Variants in GRM5 observed in about 807,000 individuals in gnomAD.
The protein encoded by GRM5 is glutamate metabotropic receptor 5, also known as metabotropic glutamate receptor 5.
In GRM5, 19 loss-of-function variants were observed where a neutral mutation model predicts 83.1. That is an observed-to-expected ratio of 0.23 (90% CI 0.16 to 0.34). The LOEUF (loss-of-function observed/expected upper bound fraction) is 0.34, where lower values mean the gene tolerates loss of function less well. Among genes scored for constraint, GRM5 ranks in the 10% least tolerant of loss-of-function variants. The pLI, the probability that GRM5 is intolerant of heterozygous loss-of-function variation, is 1.00. For missense variants in GRM5, 1,160 were observed against 1,588.3 expected (o/e 0.73, Z 4.58); for synonymous variants, 675 against 633.6 (o/e 1.07, Z -0.98).
chr11:88,958,339 T>C (rs1457823241), intron 2 of GRM5, among the ~76,000 whole-genome samples: 2 of 151,418 alleles, frequency 1.3e-5, no homozygotes, highest in African/African-American at 2.4e-5. Flanking sequence ...TAATTATCAT[T>C]TTCTGCTTTT....
At chr11:88,800,594 T>C (rs1943370774) in intron 3 of GRM5, among the ~76,000 whole-genome samples, 2 of 152,118 alleles carry the variant, frequency 1.3e-5, no homozygotes, top group Admixed American at 1.3e-4. Context: ...CATAAATGAA[T>C]GATTGTTTTA....
At chr11:88,695,948 C>A (rs1023943786) in intron 3 of GRM5, among the ~76,000 whole-genome samples, 2 of 152,190 alleles carry the variant, frequency 1.3e-5, no homozygotes, top group African/African-American at 4.8e-5. Context: ...CAGTTTTGCC[C>A]TCTTCAGGCG....
intron 3 of GRM5, among the ~76,000 whole-genome samples, chr11:88,750,358 G>A (rs1942242627): frequency 6.6e-6 from 1 of 152,124 alleles, no homozygotes; most frequent in Non-Finnish European, 1.5e-5. Flanking sequence ...TTACATAATG[G>A]TAAAGTCTTC....
At chr11:89,054,593 T>C (rs772927390) in intron 1 of GRM5, among the ~76,000 whole-genome samples, 6 of 151,906 alleles carry the variant, frequency 3.9e-5, no homozygotes, top group African/African-American at 9.7e-5. Context: ...ACCGAGGAAG[T>C]GGAAAGAGAA....
intron 2 of GRM5, among the ~76,000 whole-genome samples, chr11:88,886,412 A>G (rs1251517343): frequency 6.6e-6 from 1 of 152,138 alleles, no homozygotes; most frequent in Non-Finnish European, 1.5e-5. Flanking sequence ...TCCATTTTAG[A>G]ACCAGATCAA....
At chr11:88,921,621 C>A (rs1183381464) in intron 2 of GRM5, among the ~76,000 whole-genome samples, 2 of 103,400 alleles carry the variant, frequency 1.9e-5, no homozygotes, top group Non-Finnish European at 4.2e-5. Flanking sequence ...CAGAGTGAGA[C>A]TCCATTTAAA....
chr11:89,061,492 A>G lies in GRM5; in HGVS notation c.-201+4284T>C, dbSNP rs577598713. ...AGAATTATTAAAATGCTTTAGTCAC[A>G]AAAGTGAGCACCTTTGATGAGGTAA... is the stretch of plus-strand genomic sequence containing the variant. On this transcript the variant is annotated intron_variant, in intron 1 of 9. Transcript: ENST00000305447. Among the ~76,000 whole-genome samples, 6 of 152,384 alleles carry G rather than the reference A, an allele frequency of 3.9e-5. No individual in the cohort carries two copies. In the East Asian group the frequency reaches 1.2e-3, roughly 29 times the overall value.
At chr11:88,962,505 A>G (rs1279972383) in intron 2 of GRM5, among the ~76,000 whole-genome samples, 1 of 152,146 alleles carries the variant, frequency 6.6e-6, no homozygotes, top group African/African-American at 2.4e-5. Context: ...AACCATTACC[A>G]ATCTGTTGAT....
intron 3 of GRM5, among the ~76,000 whole-genome samples, chr11:88,769,003 GTTAAC>G (rs1375309087): frequency 6.6e-6 from 1 of 152,054 alleles, no homozygotes; most frequent in Non-Finnish European, 1.5e-5. Context: ...GCTGGCCTAA[GTTAAC>G]TTTAGAAATG....
At chr11:88,794,019 CTT>C (rs1234366957) in intron 3 of GRM5, among the ~76,000 whole-genome samples, 3 of 152,220 alleles carry the variant, frequency 2.0e-5, no homozygotes, top group South Asian at 2.1e-4. Context: ...ACAAGGATCT[CTT>C]TATGTTTCTC....
At chr11:88,818,875 T>G (rs1403982095) in intron 3 of GRM5, among the ~76,000 whole-genome samples, 1 of 152,216 alleles carries the variant, frequency 6.6e-6, no homozygotes, top group Non-Finnish European at 1.5e-5. Flanking sequence ...TTGTTATGGT[T>G]GGACAGAACC....
intron 2 of GRM5, among the ~76,000 whole-genome samples, chr11:88,936,916 G>T (rs1186671964): frequency 1.3e-5 from 2 of 151,708 alleles, no homozygotes; most frequent in African/African-American, 2.4e-5. Flanking sequence ...GAATGCTAAT[G>T]GTATTTTAGG....
At chr11:88,546,094 C>A (rs910920302) in intron 8 of GRM5, among the ~76,000 whole-genome samples, 1 of 151,928 alleles carries the variant, frequency 6.6e-6, no homozygotes, top group Admixed American at 6.6e-5. Context: ...TACATACCTC[C>A]ACCTCCCAGA....
intron 2 of GRM5, among the ~76,000 whole-genome samples, chr11:88,989,832 T>C (rs1393697045): frequency 2.6e-5 from 4 of 151,234 alleles, no homozygotes; most frequent in African/African-American, 9.8e-5. Flanking sequence ...AGACACAACA[T>C]ACCAGAATCT....
intron 8 of GRM5, among the ~76,000 whole-genome samples, chr11:88,535,835 G>T (rs1405418651): frequency 6.6e-6 from 1 of 152,114 alleles, no homozygotes. Flanking sequence ...ATACTTTAGT[G>T]TTACTTAGAT....
chr11:88,931,662 T>C (rs1937710108), intron 2 of GRM5, among the ~76,000 whole-genome samples: 1 of 152,098 alleles, frequency 6.6e-6, no homozygotes, highest in South Asian at 2.1e-4. Context: ...GTTGTTATTG[T>C]TGTTGTTTTT....
At chr11:88,939,156 T>G (rs1313748244) in intron 2 of GRM5, among the ~76,000 whole-genome samples, 1 of 151,790 alleles carries the variant, frequency 6.6e-6, no homozygotes, top group African/African-American at 2.4e-5. Flanking sequence ...CTGAAATAAT[T>G]TCTCTTCTCT....
intron 4 of GRM5, among the ~76,000 whole-genome samples, chr11:88,648,038 AC>A (rs1242139250): frequency 6.6e-6 from 1 of 151,748 alleles, no homozygotes; most frequent in African/African-American, 2.4e-5. Context: ...AAACAGGAAC[AC>A]TTTTACACTG....
chr11:88,696,450 T>C (rs1244791870), intron 3 of GRM5, among the ~76,000 whole-genome samples: 1 of 152,148 alleles, frequency 6.6e-6, no homozygotes, highest in Admixed American at 6.6e-5. Context: ...CACCCTTCTC[T>C]ACCCAGCACT....
Sources: gnomAD v4.1 joint callset for allele counts (sites outside exome capture counted in the v4.1 genomes callset) on GRCh38, gnomAD v4.1.1 for gene constraint, MANE v1.5 for transcripts, NCBI Gene and HGNC (gene_info 2026-07-23, HGNC 2026-07-21) for gene names.